Variants in OPN5 observed in about 807,000 individuals in gnomAD.
OPN5 encodes opsin 5, also known as opsin-5.
In OPN5, 18 loss-of-function variants were observed where a neutral mutation model predicts 41.7. The ratio of observed to expected loss-of-function variants is 0.43; its 90% CI spans 0.30 to 0.64. OPN5 has a LOEUF of 0.64. Ranked by LOEUF, OPN5 falls within the 30% of genes least tolerant of loss-of-function variation. The pLI, the probability that OPN5 is intolerant of heterozygous loss-of-function variation, is 0.13. For synonymous variants in OPN5, 178 were observed against 164.3 expected, an observed-to-expected ratio of 1.08 and a Z score of -0.64; for missense variants, 318 against 434.5, an observed-to-expected ratio of 0.73 and a Z score of 2.38.
intron 6 of OPN5, among the ~76,000 whole-genome samples, chr6:47,814,699 G>A (rs922987752): frequency 6.6e-6 from 1 of 152,074 alleles, no homozygotes; most frequent in East Asian, 1.9e-4. Flanking sequence ...CTTCCCCAGT[G>A]GCTTCCAATG....
intron 4 of OPN5, among the ~76,000 whole-genome samples, chr6:47,803,012 G>T: frequency 6.6e-6 from 1 of 151,916 alleles, no homozygotes; most frequent in East Asian, 1.9e-4. Flanking sequence ...CACAATGAGG[G>T]TTAACAGATG....
chr6:47,795,317 T>A, exon 4 of OPN5: 2 of 1,614,002 alleles, frequency 1.2e-6, no homozygotes, highest in Non-Finnish European at 1.7e-6. Flanking sequence ...CCTTGGTAGG[T>A]CTGGGGGACT....
At chr6:47,782,725 T>G (rs1162370707) in intron 1 of OPN5, among the ~76,000 whole-genome samples, 1 of 152,098 alleles carries the variant, frequency 6.6e-6, no homozygotes, top group East Asian at 1.9e-4. Context: ...GCTAAGCCAT[T>G]TTGGTGACAG....
At chr6:47,817,698 T>C (rs750676232) in intron 6 of OPN5, among the ~76,000 whole-genome samples, 6 of 152,168 alleles carry the variant, frequency 3.9e-5, no homozygotes, top group Non-Finnish European at 8.8e-5. Context: ...TAATGTGTTT[T>C]TAAGTCTTTT....
At chr6:47,803,885 A>G (rs992573697) in intron 4 of OPN5, among the ~76,000 whole-genome samples, 1 of 152,172 alleles carries the variant, frequency 6.6e-6, no homozygotes, top group Non-Finnish European at 1.5e-5. Context: ...TCTCCATGCC[A>G]ATGACTTTTC....
chr6:47,800,914 A>G (rs1278735407), intron 4 of OPN5, among the ~76,000 whole-genome samples: 1 of 152,250 alleles, frequency 6.6e-6, no homozygotes, highest in African/African-American at 2.4e-5. Flanking sequence ...TTGGTACTTC[A>G]TAGTAATTCA....
At chr6:47,806,154 A>T (rs1198510632) in intron 4 of OPN5, among the ~76,000 whole-genome samples, 1 of 152,082 alleles carries the variant, frequency 6.6e-6, no homozygotes, top group Non-Finnish European at 1.5e-5. Context: ...GTGGAAACAA[A>T]GGTGAACAAA....
At chr6:47,799,198 A>G (rs548333880) in intron 4 of OPN5, among the ~76,000 whole-genome samples, 14 of 107,888 alleles carry the variant, frequency 1.3e-4, no homozygotes, top group East Asian at 4.5e-4. Context: ...GGTGTGATGT[A>G]TATATATATA....
intron 5 of OPN5, among the ~76,000 whole-genome samples, chr6:47,810,305 G>A (rs7753054): frequency 3.9e-5 from 6 of 152,288 alleles, no homozygotes; most frequent in Admixed American, 2.0e-4. Context: ...ATATTGAGTC[G>A]TAGATTTTAG....
intron 4 of OPN5, among the ~76,000 whole-genome samples, chr6:47,796,197 C>T (rs1418016932): frequency 6.6e-6 from 1 of 152,164 alleles, no homozygotes; most frequent in Non-Finnish European, 1.5e-5. Context: ...AGTTTGTGAC[C>T]TAGAACTAGA....
chr6:47,804,826 TC>T (rs757457273), intron 4 of OPN5, among the ~76,000 whole-genome samples: 28 of 152,240 alleles, frequency 1.8e-4, no homozygotes, highest in Non-Finnish European at 3.5e-4. Flanking sequence ...ATTTAATTCT[TC>T]TATGTCCTTT....
At chr6:47,782,235 A>T (rs769247443) in intron 1 of OPN5, 39 bp downstream of exon 1, 2 of 1,600,002 alleles carry the variant, frequency 1.3e-6, no homozygotes, top group South Asian at 2.2e-5. Flanking sequence ...GGCTGCATTT[A>T]GAAAATTCAT....
intron 5 of OPN5, 112 bp downstream of exon 5, chr6:47,808,507 G>T: frequency 8.5e-7 from 1 of 1,172,616 alleles, no homozygotes; most frequent in Non-Finnish European, 1.2e-6. Context: ...TCGCCTAGGA[G>T]TAGTGTAGGA....
At chr6:47,791,583 A>G (rs923226448) in intron 2 of OPN5, among the ~76,000 whole-genome samples, 2 of 152,152 alleles carry the variant, frequency 1.3e-5, no homozygotes, top group African/African-American at 4.8e-5. Flanking sequence ...GTCTTTGGCT[A>G]TTGGGATGAC....
At chr6:47,790,398 T>C (rs1448278913) in intron 2 of OPN5, among the ~76,000 whole-genome samples, 3 of 146,820 alleles carry the variant, frequency 2.0e-5, no homozygotes, top group Non-Finnish European at 4.4e-5. Flanking sequence ...GGACACTCTC[T>C]CTCTCTTTCT....
intron 4 of OPN5, among the ~76,000 whole-genome samples, chr6:47,802,524 T>C (rs992243090): frequency 6.6e-6 from 1 of 152,140 alleles, no homozygotes; most frequent in Non-Finnish European, 1.5e-5. Flanking sequence ...TGAAATGATA[T>C]CTCAGTTACC....
chr6:47,793,853 A>G (rs1773458541), intron 3 of OPN5: 1 of 784,788 alleles, frequency 1.3e-6, no homozygotes, highest in Non-Finnish European at 1.5e-6. Flanking sequence ...AATATATGTG[A>G]TTACCTGTGC....
intron 4 of OPN5, among the ~76,000 whole-genome samples, chr6:47,803,587 T>G (rs1286425518): frequency 6.6e-6 from 1 of 152,228 alleles, no homozygotes; most frequent in Non-Finnish European, 1.5e-5. Flanking sequence ...GGTTCTGTAA[T>G]GTGATTCAAT....
At chr6:47,788,887 G>A (rs1266944937) in intron 2 of OPN5, among the ~76,000 whole-genome samples, 2 of 151,694 alleles carry the variant, frequency 1.3e-5, no homozygotes, top group Non-Finnish European at 2.9e-5. Context: ...GAGGTTTGTG[G>A]GGAGGGATGG....
Sources: allele counts gnomAD v4.1 joint callset (sites outside exome capture counted in the v4.1 genomes callset), GRCh38; gene constraint gnomAD v4.1.1; transcripts MANE v1.5; gene names NCBI Gene and HGNC (gene_info 2026-07-23, HGNC 2026-07-21).